The following RAPGEF2 variants were observed in gnomAD, a reference collection of about 807,000 sequenced individuals.
The protein encoded by RAPGEF2 is Rap guanine nucleotide exchange factor 2, also known as PDZ domain containing guanine nucleotide exchange factor (GEF) 1.
A neutral mutation model predicts 186.7 loss-of-function variants in RAPGEF2; 54 were observed. The observed-to-expected ratio is 0.29, with a 90% CI of 0.23 to 0.36. The LOEUF (loss-of-function observed/expected upper bound fraction) is 0.36, where lower values mean the gene tolerates loss of function less well. Ranked by LOEUF, RAPGEF2 falls within the 10% of genes least tolerant of loss-of-function variation. RAPGEF2 has a pLI of 1.00. For missense variants in RAPGEF2, 1,532 were observed against 2,045.0 expected (o/e 0.75, Z 4.84); for synonymous variants, 712 against 705.9 (o/e 1.01, Z -0.14).
rs1738299812 is a variant in RAPGEF2 at position 159,109,856 on chromosome 4, G to A, written c.69+5625G>A. ...TGCAGCTCTTTGTTCAGTGTGCTGG[G>A]AACCAGGGGACTGAGGAGGGGGTAA... On this transcript the variant is annotated intron_variant, in intron 1 of 29. Coordinates refer to ENST00000691494, the MANE Select transcript of RAPGEF2 (RefSeq NM_001394067.2). Among the ~76,000 whole-genome samples, 3 of 152,216 alleles carry A rather than the reference G, an allele frequency of 2.0e-5. No individual in the cohort carries two copies. In the South Asian group the frequency reaches 6.2e-4, roughly 31 times the overall value.
chr4:159,339,574 G>T (rs745655278), intron 19 of RAPGEF2, among the ~76,000 whole-genome samples: 2 of 151,922 alleles, frequency 1.3e-5, no homozygotes, highest in Non-Finnish European at 2.9e-5. Flanking sequence ...TTAGGAACTT[G>T]TTCAAGGCCA....
chr4:159,118,020 C>A (rs570492697), intron 1 of RAPGEF2, among the ~76,000 whole-genome samples: 1 of 151,984 alleles, frequency 6.6e-6, no homozygotes, highest in Admixed American at 6.6e-5. Context: ...GTAATATTAC[C>A]AATCTCCTAT....
intron 7 of RAPGEF2, among the ~76,000 whole-genome samples, chr4:159,253,396 G>A (rs1008205837): frequency 6.6e-6 from 1 of 152,042 alleles, no homozygotes; most frequent in African/African-American, 2.4e-5. Flanking sequence ...GAATTTTGGC[G>A]CATTATACAA....
At chr4:159,298,360 AG>A (rs1762271009) in intron 7 of RAPGEF2, among the ~76,000 whole-genome samples, 1 of 152,180 alleles carries the variant, frequency 6.6e-6, no homozygotes, top group Non-Finnish European at 1.5e-5. Flanking sequence ...GTATATATAA[AG>A]GGGTTATGAA....
intron 7 of RAPGEF2, among the ~76,000 whole-genome samples, chr4:159,263,008 T>C (rs988736526): frequency 6.6e-6 from 1 of 152,160 alleles, no homozygotes; most frequent in African/African-American, 2.4e-5. Flanking sequence ...AGCCATTGCA[T>C]TGGTTTCTTT....
chr4:159,113,603 G>A (rs1232566575), intron 1 of RAPGEF2, among the ~76,000 whole-genome samples: 2 of 151,960 alleles, frequency 1.3e-5, no homozygotes, highest in African/African-American at 2.4e-5. Flanking sequence ...TTAGCCAGGA[G>A]TGGTGGCGCA....
At chr4:159,306,497 T>C (rs1434288426) in intron 8 of RAPGEF2, among the ~76,000 whole-genome samples, 2 of 152,206 alleles carry the variant, frequency 1.3e-5, no homozygotes, top group African/African-American at 4.8e-5. Context: ...GAAACTTCCC[T>C]GAATTCTTTT....
intron 7 of RAPGEF2, among the ~76,000 whole-genome samples, chr4:159,299,360 C>G (rs913445787): frequency 6.7e-6 from 1 of 150,260 alleles, no homozygotes; most frequent in African/African-American, 2.5e-5. Context: ...TTGTTTTTAA[C>G]TATTGGATTT....
Position 159,352,897 on chromosome 4 carries a change from C to G in RAPGEF2, c.4078C>G (p.Gln1360Glu), listed in dbSNP as rs181220375. The G allele has an allele frequency of 6.2e-7, 1 of 1,613,902 alleles. No homozygotes were observed. Among genetic ancestry groups the G allele is most frequent in the Non-Finnish European group, 8.5e-7 (1 of 1,179,808 alleles). The change falls in exon 27 of 30, where the codon CAG becomes GAG. Residue 1360 changes from glutamine to glutamate, a missense_variant. By Grantham distance (29) the Gln-to-Glu change is conservative. This residue lies in a region of RAPGEF2 where 594 missense variants were observed against 608.5 expected (regional missense o/e 0.98). Coordinates refer to ENST00000691494, the MANE Select transcript of RAPGEF2 (RefSeq NM_001394067.2). The stretch of plus-strand genomic sequence containing the variant: ...GAGGCGGACCATGATTGAACCTGAT[C>G]AGTATAGCTTGGGGTAGGTGGCTCT... ...MERRTMIEPD[Q>E]YSLGSYAPMS...
At chr4:159,228,397 T>G (rs1443265193) in intron 4 of RAPGEF2, 1 of 152,186 alleles carries the variant, frequency 6.6e-6, no homozygotes. Context: ...GTTAGTAGCT[T>G]AAGTATCGAA....
At chr4:159,336,548 A>G (rs530706287) in intron 17 of RAPGEF2, among the ~76,000 whole-genome samples, 2 of 152,196 alleles carry the variant, frequency 1.3e-5, no homozygotes, top group African/African-American at 4.8e-5. Context: ...CTATAAACAC[A>G]TTTTCTTTAT....
chr4:159,280,402 C>T (rs1029376146), intron 7 of RAPGEF2, among the ~76,000 whole-genome samples: 1 of 152,212 alleles, frequency 6.6e-6, no homozygotes, highest in African/African-American at 2.4e-5. Flanking sequence ...CTGAAATCCA[C>T]TGATGATGGA....
chr4:159,320,142 G>C (rs114983339), intron 9 of RAPGEF2, among the ~76,000 whole-genome samples: 2 of 152,172 alleles, frequency 1.3e-5, no homozygotes, highest in African/African-American at 4.8e-5. Context: ...ATGGTGAGGC[G>C]TGAGGGATGA....
At chr4:159,125,293 A>G (rs1332192627) in intron 1 of RAPGEF2, among the ~76,000 whole-genome samples, 1 of 152,244 alleles carries the variant, frequency 6.6e-6, no homozygotes, top group African/African-American at 2.4e-5. Context: ...TTGTAGGTAT[A>G]TCAACCTTGA....
At chr4:159,283,613 G>A (rs1313154104) in intron 7 of RAPGEF2, among the ~76,000 whole-genome samples, 1 of 152,156 alleles carries the variant, frequency 6.6e-6, no homozygotes, top group African/African-American at 2.4e-5. Context: ...ATCTTAGAGT[G>A]TCAGGTTAAT....
intron 7 of RAPGEF2, among the ~76,000 whole-genome samples, chr4:159,262,182 T>C (rs1215995685): frequency 3.3e-5 from 5 of 152,232 alleles, no homozygotes; most frequent in Non-Finnish European, 5.9e-5. Context: ...CAGTCTGTTG[T>C]TGACAATATC....
intron 1 of RAPGEF2, among the ~76,000 whole-genome samples, chr4:159,104,523 A>AGAGAGG (rs1255733124): frequency 3.3e-5 from 4 of 122,782 alleles, no homozygotes; most frequent in Admixed American, 2.5e-4. Flanking sequence ...AGAGAGAGAG[A>AGAGAGG]GAGGGAGAGA....
intron 1 of RAPGEF2, 118 bp from the exon 2 acceptor site, chr4:159,186,524 C>A: frequency 4.2e-6 from 2 of 480,960 alleles, no homozygotes; most frequent in South Asian, 9.1e-5. Flanking sequence ...CTTAAGAAAA[C>A]ATGTATTTTT....
At chr4:159,191,955 C>T (rs980268159) in intron 2 of RAPGEF2, among the ~76,000 whole-genome samples, 1 of 152,034 alleles carries the variant, frequency 6.6e-6, no homozygotes, top group Non-Finnish European at 1.5e-5. Flanking sequence ...TGCAGGAGCA[C>T]GGGGTCTTAC....
Sources: gnomAD v4.1 joint callset for allele counts (sites outside exome capture counted in the v4.1 genomes callset) on GRCh38, gnomAD v4.1.1 for gene constraint, gnomAD v4.1.1 regional missense constraint, MANE v1.5 for transcripts, NCBI Gene and HGNC (gene_info 2026-07-23, HGNC 2026-07-21) for gene names.